CNGB3: variants seen among roughly 807,000 people sequenced by gnomAD.
CNGB3 encodes cyclic nucleotide-gated channel beta-3.
A neutral mutation model predicts 92.8 loss-of-function variants in CNGB3; 86 were observed. The observed-to-expected ratio is 0.93, with a 90% CI of 0.78 to 1.11. The LOEUF is 1.11. CNGB3 is among the 50% of genes least tolerant of loss of function. The probability of loss-of-function intolerance (pLI) is 0.00; values close to 1 mark genes in which losing one functional copy is unlikely to be tolerated. For synonymous variants in CNGB3, 333 were observed against 332.7 expected, an observed-to-expected ratio of 1.00 and a Z score of -0.01; for missense variants, 1,026 against 956.8, an observed-to-expected ratio of 1.07 and a Z score of -0.95.
chr8:86,640,681 A>G (rs754675219), intron 10 of CNGB3, among the ~76,000 whole-genome samples: 1 of 152,106 alleles, frequency 6.6e-6, no homozygotes. Flanking sequence ...AAAGCCAATT[A>G]AGATCATTAA....
intron 3 of CNGB3, among the ~76,000 whole-genome samples, chr8:86,714,112 C>G (rs1420597034): frequency 6.6e-6 from 1 of 152,138 alleles, no homozygotes; most frequent in Non-Finnish European, 1.5e-5. Flanking sequence ...GACATGTATC[C>G]ATCATCATAG....
At chr8:86,722,812 T>C (rs1273858873) in intron 3 of CNGB3, among the ~76,000 whole-genome samples, 1 of 152,144 alleles carries the variant, frequency 6.6e-6, no homozygotes, top group Non-Finnish European at 1.5e-5. Context: ...GTCTCAAGTT[T>C]GCTGGCTTTT....
At chr8:86,680,772 C>T (rs937013772) in intron 3 of CNGB3, among the ~76,000 whole-genome samples, 5 of 152,064 alleles carry the variant, frequency 3.3e-5, no homozygotes, top group Middle Eastern at 6.8e-3. Context: ...ACAGCAATGG[C>T]GTACCAAGTT....
chr8:86,611,697 A>C, intron 13 of CNGB3, 26 bp from the exon 14 acceptor site: 1 of 1,517,222 alleles, frequency 6.6e-7, no homozygotes, highest in South Asian at 1.1e-5. Context: ...AATAATTCTT[A>C]TAGAAACAAC....
rs1821615700 is a variant in CNGB3 at position 86,574,221 on chromosome 8, GGGT to G, written c.*1580_*1582del. On this transcript the variant is annotated 3_prime_UTR_variant, in exon 18 of 18. Transcript: ENST00000320005. ...TTTAATATCATTTGAATAAATTACA[GGGT>G]GTAAAGGGAAAGCATATTGCTCACA... The G allele has an allele frequency of 1.3e-5, 2 of 152,120 alleles. No individual in the cohort carries two copies. The highest frequency in any genetic ancestry group is 4.1e-4 in the South Asian group (2 of 4,830). The allele number at this position is 152,120 out of a possible 1,614,324, so 9.4% of individuals were successfully genotyped here. A position where few individuals can be genotyped will look rare whatever the true frequency, so the allele number is the denominator to read the frequency against.
At chr8:86,605,228 A>G (rs531807607) in intron 14 of CNGB3, among the ~76,000 whole-genome samples, 3 of 152,360 alleles carry the variant, frequency 2.0e-5, no homozygotes, top group African/African-American at 4.8e-5. Context: ...GTTGAATTAT[A>G]TGAGTTCTTA....
At position 86,726,619 on chromosome 8, in the gene CNGB3, T is replaced by C. The variant is rs1825065055; in HGVS notation, c.250A>G (p.Thr84Ala). The C allele has an allele frequency of 1.9e-6, 3 of 1,613,748 alleles. No individual in the cohort carries two copies. The highest frequency in any genetic ancestry group is 1.3e-5 in the African/African-American group (1 of 74,884). ...SKKNSSGDLT[T>A]NPDPQNAAEP... The stretch of plus-strand genomic sequence containing the variant: ...GCTGCATTTTGAGGGTCAGGGTTTG[T>C]GGTCAGATCTCCAGAGGAATTTTTC... Residue 84 changes from threonine to alanine, a missense_variant, in exon 3 of 18, where the codon ACA becomes GCA. Coordinates refer to ENST00000320005, the MANE Select transcript of CNGB3 (RefSeq NM_019098.5).
chr8:86,722,648 T>C (rs1824993385), intron 3 of CNGB3, among the ~76,000 whole-genome samples: 1 of 152,192 alleles, frequency 6.6e-6, no homozygotes, highest in Non-Finnish European at 1.5e-5. Context: ...GTTTCCCTAA[T>C]GTGGGTAAAC....
At chr8:86,613,158 T>C (rs1822552000) in intron 13 of CNGB3, among the ~76,000 whole-genome samples, 1 of 152,208 alleles carries the variant, frequency 6.6e-6, no homozygotes, top group African/African-American at 2.4e-5. Flanking sequence ...GCCCCTTTTA[T>C]GCAGAGGGAA....
rs1012902500 is a variant in CNGB3, at chr8:86,717,504, C to G, written c.338+9027G>C. ...TTTGAACCCAGGGGGTGGAGGTTGC[C>G]ATGAGCCAAGATTGTGCAACTGTAC... On this transcript the variant is annotated intron_variant, in intron 3 of 17. Transcript: ENST00000320005. Among the ~76,000 whole-genome samples the G allele has an allele frequency of 2.7e-5, 4 of 146,216 alleles. No individual in the cohort carries two copies. The East Asian group carries it at 8.2e-4, about 30-fold the overall frequency.
At chr8:86,720,655 C>A (rs1824948026) in intron 3 of CNGB3, among the ~76,000 whole-genome samples, 1 of 151,810 alleles carries the variant, frequency 6.6e-6, no homozygotes. Flanking sequence ...AGGTATCTAC[C>A]CGGAGGAAAA....
At chr8:86,723,013 C>G (rs1484214315) in intron 3 of CNGB3, among the ~76,000 whole-genome samples, 1 of 152,050 alleles carries the variant, frequency 6.6e-6, no homozygotes, top group Non-Finnish European at 1.5e-5. Flanking sequence ...CCTGTTGGTT[C>G]TATTTCTGTG....
chr8:86,575,977 T>C lies in CNGB3; in HGVS notation c.2257A>G (p.Arg753Gly), dbSNP rs1821649885. Residue 753 changes from arginine (R) to glycine (G), a missense_variant, in exon 18 of 18, where the codon AGA becomes GGA. Arg to Gly is a moderately radical substitution (Grantham distance 125, BLOSUM62 -2). Coordinates refer to ENST00000320005, the MANE Select transcript of CNGB3 (RefSeq NM_019098.5). Reference protein sequence around the residue: ...GREPEEKPLDRPECTASPIAV... With the variant: ...GREPEEKPLDGPECTASPIAV... ...ATAGGACTTGCTGTACATTCAGGTCTGTCCAGTGGCTTCTCTTCTGGCTCT... is the reference window on the plus strand; with the variant it reads ...ATAGGACTTGCTGTACATTCAGGTCCGTCCAGTGGCTTCTCTTCTGGCTCT... 6.2e-7 allele frequency: 1 copy of C among 1,614,182 alleles called. No homozygotes were observed. The highest frequency in any genetic ancestry group is 1.3e-5 in the African/African-American group (1 of 75,078).
chr8:86,679,814 C>A (rs550728963), intron 3 of CNGB3, among the ~76,000 whole-genome samples: 15 of 152,266 alleles, frequency 9.9e-5, no homozygotes, highest in Admixed American at 7.2e-4. Flanking sequence ...GCATGAGCCA[C>A]CGCGTCTGGC....
At chr8:86,582,941 T>C (rs1821817730) in intron 15 of CNGB3, among the ~76,000 whole-genome samples, 1 of 151,314 alleles carries the variant, frequency 6.6e-6, no homozygotes, top group South Asian at 2.1e-4. Flanking sequence ...CATTCCTTTT[T>C]GTTTTTTTTT....
intron 7 of CNGB3, among the ~76,000 whole-genome samples, chr8:86,648,469 T>C (rs1295388286): frequency 6.6e-6 from 1 of 151,178 alleles, no homozygotes; most frequent in African/African-American, 2.4e-5. Context: ...AAGAAATCAA[T>C]AATGTTTGCA....
At chr8:86,731,300 G>T (rs1314681871) in intron 2 of CNGB3, among the ~76,000 whole-genome samples, 1 of 152,156 alleles carries the variant, frequency 6.6e-6, no homozygotes, top group Non-Finnish European at 1.5e-5. Flanking sequence ...TGTGCTAAGG[G>T]AGCCTGTGCT....
rs1216452132 is a variant in CNGB3, at chr8:86,626,153, A to C, written c.1481-73T>G. 10 of 1,137,744 alleles carry C rather than the reference A, an allele frequency of 8.8e-6. No homozygotes were observed. In the East Asian group the frequency reaches 2.2e-4, roughly 25 times the overall value. The allele number at this position is 1,137,744 out of a possible 1,614,324, so 70.5% of individuals were successfully genotyped here. On this transcript the variant is annotated intron_variant, in intron 12 of 17. Transcript: ENST00000320005. ...AATAAGTCACCAAGGTACAAGTAGA[A>C]AAATTTTTAAAATAAAGGAAACAAA... is the stretch of plus-strand genomic sequence containing the variant.
chr8:86,608,241 A>G (rs889387520), intron 14 of CNGB3, among the ~76,000 whole-genome samples: 19 of 152,258 alleles, frequency 1.2e-4, no homozygotes, highest in Admixed American at 1.2e-3. Flanking sequence ...AGGGAAAACC[A>G]GGCCATGCAG....
Sources: allele counts gnomAD v4.1 joint callset (sites outside exome capture counted in the v4.1 genomes callset), GRCh38; gene constraint gnomAD v4.1.1; transcripts MANE v1.5; gene names NCBI Gene and HGNC (gene_info 2026-07-23, HGNC 2026-07-21).